Variants in PRDM5 observed in about 807,000 individuals in gnomAD.
PRDM5 encodes PR/SET domain 5, also known as PR domain zinc finger protein 5.
PRDM5 carries 56 observed loss-of-function variants against 81.2 expected under a neutral mutation model. That is an observed-to-expected ratio of 0.69 (90% CI 0.56 to 0.86). The LOEUF (loss-of-function observed/expected upper bound fraction) is 0.86, where lower values mean the gene tolerates loss of function less well. Ranked by LOEUF, PRDM5 falls within the 40% of genes least tolerant of loss-of-function variation. The pLI is 0.00. For synonymous variants in PRDM5, 267 were observed against 256.4 expected (o/e 1.04, Z -0.39); for missense variants, 697 against 770.1 (o/e 0.91, Z 1.12).
At chr4:120,780,986 G>T (rs567150826) in intron 12 of PRDM5, among the ~76,000 whole-genome samples, 157 bp downstream of exon 12, 1 of 152,126 alleles carries the variant, frequency 6.6e-6, no homozygotes, top group South Asian at 2.1e-4. Context: ...GATGAAGAAA[G>T]TGAACATTGT....
At chr4:120,827,426 T>C (rs1471738954) in intron 3 of PRDM5, among the ~76,000 whole-genome samples, 2 of 152,108 alleles carry the variant, frequency 1.3e-5, no homozygotes, top group East Asian at 3.9e-4. Flanking sequence ...GGTGTGGCCA[T>C]TACAGAGCAT....
In PRDM5 at chr4:120,844,558, C is replaced by T. The variant is rs189612220; in HGVS notation, c.300+8860G>A. Among the ~76,000 whole-genome samples, 19 of 152,234 alleles carry T rather than the reference C, an allele frequency of 1.2e-4. 1 individual carries two copies. Among genetic ancestry groups the T allele is most frequent in the African/African-American group, 4.1e-4 (17 of 41,512 alleles). ...GTTTAGGGGGCCACCATAAACCATACGTATATAGTGGCAAGCTTAACTGAT... is the reference window on the plus strand; with the variant it reads ...GTTTAGGGGGCCACCATAAACCATATGTATATAGTGGCAAGCTTAACTGAT... On this transcript the variant is annotated intron_variant, in intron 3 of 15. Transcript: ENST00000264808.
intron 13 of PRDM5, among the ~76,000 whole-genome samples, chr4:120,775,438 A>G (rs1380571921): frequency 1.3e-5 from 2 of 152,156 alleles, no homozygotes; most frequent in Non-Finnish European, 2.9e-5. Flanking sequence ...TAGGCATACA[A>G]TATCCTCAAG....
intron 13 of PRDM5, among the ~76,000 whole-genome samples, chr4:120,758,530 A>G (rs1258354225): frequency 6.6e-6 from 1 of 152,118 alleles, no homozygotes; most frequent in Non-Finnish European, 1.5e-5. Context: ...GGAGAATGCC[A>G]TGTGAAGACT....
Position 120,758,320 on chromosome 4 carries a change from T to C in PRDM5, c.1538-3682A>G, listed in dbSNP as rs557619289. Reference sequence around the variant, plus strand: ...CAAGTGTCTCAATTGGGACAATAGATACATGGTCACTTGTTATGAATGGAA... The same window carrying C: ...CAAGTGTCTCAATTGGGACAATAGACACATGGTCACTTGTTATGAATGGAA... On this transcript the variant is annotated intron_variant, in intron 13 of 15. Coordinates refer to ENST00000264808, the MANE Select transcript of PRDM5 (RefSeq NM_018699.4). Among the ~76,000 whole-genome samples, 6 of 152,322 alleles carry C rather than the reference T, an allele frequency of 3.9e-5. No homozygotes were observed. In the South Asian group the frequency reaches 1.2e-3, roughly 32 times the overall value.
chr4:120,783,099 C>A (rs1447209333), intron 11 of PRDM5, among the ~76,000 whole-genome samples: 1 of 152,064 alleles, frequency 6.6e-6, no homozygotes, highest in Non-Finnish European at 1.5e-5. Flanking sequence ...ACATTTTGAG[C>A]CAGAAAGCTG....
rs1734144589 is a variant in PRDM5 at position 120,692,696 on chromosome 4, C to T, written c.*2415G>A. 1 of 152,020 alleles carries T rather than the reference C, an allele frequency of 6.6e-6. No individual in the cohort carries two copies. Among genetic ancestry groups the T allele is most frequent in the Non-Finnish European group, 1.5e-5 (1 of 67,980 alleles). The allele number at this position is 152,020 out of a possible 1,614,324, so 9.4% of individuals were successfully genotyped here. The stretch of plus-strand genomic sequence containing the variant: ...GTCTCAATTACTTAGACTTTATAGG[C>T]ACCTAAGGGTCTGGTCTTTTCTCAA... On this transcript the variant is annotated 3_prime_UTR_variant, in exon 16 of 16. Coordinates refer to ENST00000264808, the MANE Select transcript of PRDM5 (RefSeq NM_018699.4).
chr4:120,877,210 G>A (rs777061983), intron 2 of PRDM5, among the ~76,000 whole-genome samples: 2 of 152,204 alleles, frequency 1.3e-5, no homozygotes, highest in South Asian at 2.1e-4. Flanking sequence ...ATATTTTTAC[G>A]GCCTTGAATA....
chr4:120,803,111 T>C (rs1308425708), intron 8 of PRDM5, among the ~76,000 whole-genome samples: 2 of 152,036 alleles, frequency 1.3e-5, no homozygotes, highest in Non-Finnish European at 2.9e-5. Flanking sequence ...GTATCAGTGA[T>C]TGAAGATCAA....
chr4:120,883,011 T>G (rs935767596), intron 2 of PRDM5, among the ~76,000 whole-genome samples: 3 of 152,236 alleles, frequency 2.0e-5, no homozygotes, highest in African/African-American at 7.2e-5. Context: ...CCTGTAGTAC[T>G]CGCTGGATCT....
chr4:120,799,450 C>G (rs1751805698), intron 9 of PRDM5, among the ~76,000 whole-genome samples: 1 of 152,108 alleles, frequency 6.6e-6, no homozygotes, highest in African/African-American at 2.4e-5. Flanking sequence ...TTCTGAAGAT[C>G]TTCAATATCA....
In PRDM5 at chr4:120,814,510, T is replaced by C. The variant is rs552802788; in HGVS notation, c.865+1943A>G. Among the ~76,000 whole-genome samples, 3 of 152,334 alleles carry C rather than the reference T, an allele frequency of 2.0e-5. No homozygotes were observed. The South Asian group carries it at 6.2e-4, about 32-fold the overall frequency. On this transcript the variant is annotated intron_variant, in intron 7 of 15. Coordinates refer to ENST00000264808, the MANE Select transcript of PRDM5 (RefSeq NM_018699.4). The stretch of plus-strand genomic sequence containing the variant: ...GCTTCTAGGAGCTGGTCTGAGAACC[T>C]ACCTACCCATGTTATGGTTGCTATG...
chr4:120,881,483 T>C (rs936515374), intron 2 of PRDM5, among the ~76,000 whole-genome samples: 1 of 152,198 alleles, frequency 6.6e-6, no homozygotes, highest in African/African-American at 2.4e-5. Context: ...AATATTTTCA[T>C]TATGTGTCAT....
Position 120,799,629 on chromosome 4 carries a change from A to G in PRDM5, c.1030+32T>C, listed in dbSNP as rs200491818. ...GACAATGTAATTTTTTTGTAATGAT[A>G]TCACTATAAACAAAAAAAGTATATA... On this transcript the variant is annotated intron_variant, in intron 9 of 15. Coordinates refer to ENST00000264808, the MANE Select transcript of PRDM5 (RefSeq NM_018699.4). The G allele has an allele frequency of 1.0e-3, 1,665 of 1,606,516 alleles. 2 individuals carry two copies. The highest frequency in any genetic ancestry group is 1.3e-3 in the Non-Finnish European group (1,555 of 1,176,944).
chr4:120,804,979 G>C (rs1752700318), intron 8 of PRDM5, among the ~76,000 whole-genome samples: 1 of 151,894 alleles, frequency 6.6e-6, no homozygotes, highest in Non-Finnish European at 1.5e-5. Context: ...AGAAAAGAGA[G>C]AAGAATCAAA....
chr4:120,685,706 T>C (rs115694723), intron 1 of PRDM5, among the ~76,000 whole-genome samples: 1,788 of 152,146 alleles, frequency 0.012, 34 homozygotes, highest in African/African-American at 0.04. Context: ...CAAAACAAAC[T>C]CAACAAGTAG....
At chr4:120,783,474 T>G (rs1328367768) in intron 11 of PRDM5, among the ~76,000 whole-genome samples, 1 of 152,116 alleles carries the variant, frequency 6.6e-6, no homozygotes, top group Non-Finnish European at 1.5e-5. Flanking sequence ...TTACTTCTGT[T>G]AAGAATTCCT....
intron 1 of PRDM5, among the ~76,000 whole-genome samples, chr4:120,911,061 C>G (rs575886402): frequency 6.6e-6 from 1 of 152,172 alleles, no homozygotes; most frequent in Non-Finnish European, 1.5e-5. Flanking sequence ...GTCACCACCT[C>G]AAACACTTAC....
intron 13 of PRDM5, among the ~76,000 whole-genome samples, chr4:120,754,884 G>T (rs1744508061): frequency 6.6e-6 from 1 of 152,186 alleles, no homozygotes; most frequent in African/African-American, 2.4e-5. Context: ...ATAAACATTT[G>T]CCAGTAGCAT....
Sources: allele counts gnomAD v4.1 joint callset (sites outside exome capture counted in the v4.1 genomes callset), GRCh38; gene constraint gnomAD v4.1.1; transcripts MANE v1.5; gene names NCBI Gene and HGNC (gene_info 2026-07-23, HGNC 2026-07-21).